The following MAP3K13 variants were observed in gnomAD, a reference collection of about 807,000 sequenced individuals.
MAP3K13 encodes the protein leucine zipper-bearing kinase.
MAP3K13 carries 52 observed loss-of-function variants against 104.0 expected under a neutral mutation model. That is an observed-to-expected ratio of 0.50 (90% confidence interval 0.40 to 0.63). The LOEUF (loss-of-function observed/expected upper bound fraction) is 0.63. Ranked by LOEUF, MAP3K13 falls within the 20% of genes least tolerant of loss-of-function variation. The pLI is 0.00. For synonymous variants in MAP3K13, 394 were observed against 442.2 expected, an observed-to-expected ratio of 0.89 and a Z score of 1.37; for missense variants, 914 against 1,218.5, an observed-to-expected ratio of 0.75 and a Z score of 3.72.
At chr3:185,434,437 C>T (rs1275839815) in intron 2 of MAP3K13, among the ~76,000 whole-genome samples, 1 of 152,196 alleles carries the variant, frequency 6.6e-6, no homozygotes, top group African/African-American at 2.4e-5. Flanking sequence ...GCGAAACTAT[C>T]AAAATCCTTT....
Position 185,331,092 on chromosome 3 carries a change from C to T in MAP3K13, c.-86+45449C>T, listed in dbSNP as rs199500756. On this transcript the variant is annotated intron_variant, in intron 2 of 14. Transcript: ENST00000424227. ...CTTTTTTTCTTTTAACCTAATTTAC[C>T]TTTTTTTTTTTTTTTTTTGAGACGG... Among the ~76,000 whole-genome samples the T allele has an allele frequency of 5.0e-4, 54 of 108,576 alleles. 1 individual carries two copies. The highest frequency in any genetic ancestry group is 1.8e-3 in the East Asian group (7 of 3,870). The allele number at this position is 108,576 out of a possible 152,430, so 71.2% of individuals were successfully genotyped here.
At chr3:185,310,995 T>A (rs145993892) in intron 2 of MAP3K13, among the ~76,000 whole-genome samples, 1 of 152,356 alleles carries the variant, frequency 6.6e-6, no homozygotes, top group East Asian at 1.9e-4. Context: ...TTTGCAGAAG[T>A]TGAGTCAGAA....
chr3:185,413,090 G>C (rs1713540697), intron 1 of MAP3K13, among the ~76,000 whole-genome samples: 1 of 152,164 alleles, frequency 6.6e-6, no homozygotes, highest in South Asian at 2.1e-4. Flanking sequence ...TCTTTTAAAA[G>C]ATAAAATCCC....
At chr3:185,405,505 A>G (rs2108780908) in intron 1 of MAP3K13, among the ~76,000 whole-genome samples, 1 of 152,278 alleles carries the variant, frequency 6.6e-6, no homozygotes. Flanking sequence ...ACTGTTTGCT[A>G]TTCTTGGAAA....
At chr3:185,443,358 G>T (rs915271009) in intron 3 of MAP3K13, 87 bp from the exon 4 acceptor site, 8 of 861,822 alleles carry the variant, frequency 9.3e-6, no homozygotes, top group Admixed American at 8.5e-5. Context: ...TTCGGGTATA[G>T]AATTGGTTTT....
At chr3:185,338,327 CAA>C (rs72043151) in intron 2 of MAP3K13, among the ~76,000 whole-genome samples, 652 of 54,680 alleles carry the variant, frequency 0.012, no homozygotes, top group African/African-American at 0.035. Flanking sequence ...GAGACTCTCT[CAA>C]AAAAAAAAAA....
rs528531671 is a variant in MAP3K13 at position 185,412,616 on chromosome 3, A to G, written c.-85-15881A>G. Among the ~76,000 whole-genome samples, 31 of 152,348 alleles carry G rather than the reference A, an allele frequency of 2.0e-4. 1 individual carries two copies. The Middle Eastern group carries it at 0.014, about 67-fold the overall frequency. ...TCTATCACACATTTTCTAGAGTATC[A>G]TCTTGATTGAATCATTACTTTAAAA... On this transcript the variant is annotated intron_variant, in intron 1 of 13. Coordinates refer to ENST00000265026, the MANE Select transcript of MAP3K13 (RefSeq NM_004721.5).
At chr3:185,451,163 T>G in intron 6 of MAP3K13, 124 bp from the exon 7 acceptor site, 1 of 621,266 alleles carries the variant, frequency 1.6e-6, no homozygotes, top group East Asian at 2.7e-5. Context: ...TATAATGGAG[T>G]ACAGCTGGTT....
At chr3:185,465,624 C>A in intron 8 of MAP3K13, 123 bp from the exon 9 acceptor site, 1 of 703,356 alleles carries the variant, frequency 1.4e-6, no homozygotes, top group Non-Finnish European at 2.6e-6. Flanking sequence ...ACAAGGGAGG[C>A]TTAAAGTAAG....
At chr3:185,394,003 A>T (rs1712233819) in intron 1 of MAP3K13, among the ~76,000 whole-genome samples, 1 of 152,122 alleles carries the variant, frequency 6.6e-6, no homozygotes, top group Non-Finnish European at 1.5e-5. Flanking sequence ...CCACTTATTC[A>T]AGGAGGTTGA....
At chr3:185,392,191 C>T (rs1381289645) in intron 1 of MAP3K13, among the ~76,000 whole-genome samples, 1 of 152,182 alleles carries the variant, frequency 6.6e-6, no homozygotes, top group East Asian at 1.9e-4. Flanking sequence ...CCAGATTATA[C>T]AGCTGCTTAA....
chr3:185,472,205 C>CTTTTTTTT (rs568380003), intron 10 of MAP3K13, among the ~76,000 whole-genome samples: 5 of 118,612 alleles, frequency 4.2e-5, no homozygotes, highest in African/African-American at 6.3e-5. Flanking sequence ...ATCCCTTCTT[C>CTTTTTTTT]TTTTTTTTTT....
chr3:185,315,277 A>G lies in MAP3K13; in HGVS notation c.-86+29634A>G, dbSNP rs1455196810. Among the ~76,000 whole-genome samples, 1 of 152,148 alleles carries G rather than the reference A, an allele frequency of 6.6e-6. No homozygotes were observed. The highest frequency in any genetic ancestry group is 1.5e-5 in the Non-Finnish European group (1 of 68,024). ...AAAAGAAAAAAAAAACTATAAATATATTACACATAGAACAATGGTCCTCAA... is the reference window on the plus strand; with the variant it reads ...AAAAGAAAAAAAAAACTATAAATATGTTACACATAGAACAATGGTCCTCAA... On this transcript the variant is annotated intron_variant, in intron 2 of 14. Coordinates refer to the MAP3K13 transcript ENST00000424227. The surrounding 1 kb of genome is among the most constrained non-coding windows in gnomAD (Gnocchi z 4.3).
At chr3:185,399,648 GAGGAAAAAAGGA>G (rs1712660368) in intron 1 of MAP3K13, among the ~76,000 whole-genome samples, 1 of 10,880 alleles carries the variant, frequency 9.2e-5, no homozygotes. Flanking sequence ...GGGAGGGAGG[GAGGAAAAAAGGA>G]GGGAAGGAAG....
At chr3:185,346,898 C>T (rs1443450451) in intron 2 of MAP3K13, among the ~76,000 whole-genome samples, 2 of 151,828 alleles carry the variant, frequency 1.3e-5, no homozygotes, top group Non-Finnish European at 2.9e-5. Context: ...ATCTATCTAC[C>T]TTGATAATTT....
rs1285725784 is a variant in MAP3K13, at chr3:185,450,333, C to A, written c.1169+275C>A. ...GGTGTTATTATCTCAAAATAGTAGG[C>A]CTTGGTCAATGATAGCTACTATTTC... On this transcript the variant is annotated intron_variant, in intron 6 of 13. Transcript: ENST00000265026. The surrounding 1 kb of genome is among the most constrained non-coding windows in gnomAD (Gnocchi z 4.2). Among the ~76,000 whole-genome samples the A allele has an allele frequency of 3.9e-5, 6 of 152,124 alleles. No homozygotes were observed. In the East Asian group the frequency reaches 1.2e-3, roughly 29 times the overall value.
At chr3:185,309,676 G>GT (rs1721430867) in intron 2 of MAP3K13, among the ~76,000 whole-genome samples, 1 of 152,168 alleles carries the variant, frequency 6.6e-6, no homozygotes, top group Non-Finnish European at 1.5e-5. Flanking sequence ...AAACCCTTTT[G>GT]TCCTCAGTCC....
intron 2 of MAP3K13, among the ~76,000 whole-genome samples, chr3:185,311,306 G>A (rs1721487116): frequency 6.6e-6 from 1 of 152,116 alleles, no homozygotes; most frequent in South Asian, 2.1e-4. Context: ...TTCTTACAGG[G>A]TGGCGGCAAG....
rs1718546556 is a variant in MAP3K13 at position 185,482,922 on chromosome 3, G to C, written c.*466G>C. Reference sequence around the variant, plus strand: ...GGAGGTATTATTGCTGCTTGAACAGGGGACCAGGTCTTTTGGCCATAAGTG... The same window carrying C: ...GGAGGTATTATTGCTGCTTGAACAGCGGACCAGGTCTTTTGGCCATAAGTG... On this transcript the variant is annotated 3_prime_UTR_variant, in exon 14 of 14. Coordinates refer to ENST00000265026, the MANE Select transcript of MAP3K13 (RefSeq NM_004721.5). This position sits in a 1 kb window ranked among gnomAD's most constrained non-coding sequence, Gnocchi z 4.5. 4.3e-6 allele frequency: 1 copy of C among 233,482 alleles called. No individual in the cohort carries two copies. The highest frequency in any genetic ancestry group is 1.8e-4 in the South Asian group (1 of 5,594). 14.5% of individuals were successfully genotyped at this position (233,482 alleles called of 1,614,324 possible).
Sources: allele counts gnomAD v4.1 joint callset (sites outside exome capture counted in the v4.1 genomes callset), GRCh38; gene constraint gnomAD v4.1.1; non-coding constraint Gnocchi (gnomAD v3.1); transcripts MANE v1.5; gene names NCBI Gene and HGNC (gene_info 2026-07-23, HGNC 2026-07-21).